IPO5: variants seen among roughly 807,000 people sequenced by gnomAD.
The protein encoded by IPO5 is importin 5.
Under a neutral mutation model 143.3 loss-of-function variants are expected in IPO5, and 18 were observed. The ratio of observed to expected loss-of-function variants is 0.13; its 90% CI spans 0.09 to 0.19. IPO5 has a LOEUF of 0.19. Ranked by LOEUF, IPO5 falls within the 10% of genes least tolerant of loss-of-function variation. The pLI, the probability that IPO5 is intolerant of heterozygous loss-of-function variation, is 1.00. For missense variants in IPO5, 1,013 were observed against 1,336.9 expected (o/e 0.76, Z 3.78); for synonymous variants, 477 against 465.7 (o/e 1.02, Z -0.31).
chr13:97,963,169 C>A (rs1422134578), intron 2 of IPO5: 2 of 152,148 alleles, frequency 1.3e-5, no homozygotes, highest in African/African-American at 4.8e-5. Flanking sequence ...GATACTTTCC[C>A]AGCAACATCT....
chr13:98,010,779 C>G (rs990689412), intron 20 of IPO5, among the ~76,000 whole-genome samples: 2 of 55,034 alleles, frequency 3.6e-5, no homozygotes, highest in Admixed American at 1.3e-4. Flanking sequence ...GAAGGATAAT[C>G]CTTTTTTTTT....
intron 6 of IPO5, among the ~76,000 whole-genome samples, chr13:97,986,287 G>A (rs1369063738): frequency 6.6e-6 from 1 of 152,022 alleles, no homozygotes; most frequent in Non-Finnish European, 1.5e-5. Context: ...AGACTCCAGT[G>A]CTTTTGCTGT....
intron 12 of IPO5, among the ~76,000 whole-genome samples, chr13:97,998,353 A>G (rs1275124838): frequency 6.6e-6 from 1 of 152,152 alleles, no homozygotes; most frequent in Non-Finnish European, 1.5e-5. Flanking sequence ...TTTAGTTTGA[A>G]TATCTTTTAA....
At position 98,007,916 on chromosome 13, in the gene IPO5, T is replaced by C. The variant is rs1262279148; in HGVS notation, c.1717-143T>C. ...TGAACTAAATCTGTCACAATATAGA[T>C]GAGAATTTTTCAATATGATAGTTTA... On this transcript the variant is annotated intron_variant, in intron 17 of 28. Transcript: ENST00000651721. 1.5e-5 allele frequency: 9 copies of C among 587,578 alleles called. 1 individual carries two copies. The highest frequency in any genetic ancestry group is 1.5e-4 in the South Asian group (7 of 46,442). The allele number at this position is 587,578 out of a possible 1,614,324, so 36.4% of individuals were successfully genotyped here. A position where few individuals can be genotyped will look rare whatever the true frequency, so the allele number is the denominator to read the frequency against.
chr13:97,990,032 A>G, intron 7 of IPO5, 94 bp from the exon 8 acceptor site: 1 of 742,850 alleles, frequency 1.3e-6, no homozygotes. Flanking sequence ...GTACTGAGTC[A>G]GGTAAACAAA....
intron 3 of IPO5, among the ~76,000 whole-genome samples, chr13:97,973,628 T>C (rs1886015291): frequency 6.6e-6 from 1 of 152,224 alleles, no homozygotes. Flanking sequence ...AAAATTCTTC[T>C]CCTTCCCTTT....
chr13:97,977,234 C>G (rs530872580), intron 4 of IPO5, among the ~76,000 whole-genome samples: 1 of 152,314 alleles, frequency 6.6e-6, no homozygotes, highest in African/African-American at 2.4e-5. Flanking sequence ...CCTGACCCGT[C>G]ACGCCTGCTT....
chr13:97,980,465 A>G (rs146238092), intron 4 of IPO5, among the ~76,000 whole-genome samples: 35 of 152,296 alleles, frequency 2.3e-4, no homozygotes, highest in Admixed American at 2.2e-3. Flanking sequence ...TAGTCACACC[A>G]ACAGTTCCGC....
chr13:97,955,069 T>C (rs565716245), intron 2 of IPO5, among the ~76,000 whole-genome samples: 3 of 151,850 alleles, frequency 2.0e-5, no homozygotes, highest in African/African-American at 7.2e-5. Context: ...CTCTACAAAA[T>C]ATAGAAAAAA....
rs762719959 is a variant in IPO5, at chr13:98,015,652, C to T, written c.2437+11C>T. On this transcript the variant is annotated intron_variant, in intron 23 of 28. Coordinates refer to ENST00000651721, the MANE Select transcript of IPO5 (RefSeq NM_002271.6). ...AAGAATTACGACAAGGTAAGTTTTCCATGCTTTTATTTCTGAATATAATCC... is the reference window on the plus strand; with the variant it reads ...AAGAATTACGACAAGGTAAGTTTTCTATGCTTTTATTTCTGAATATAATCC... The T allele has an allele frequency of 6.3e-6, 10 of 1,591,642 alleles. No individual in the cohort carries two copies. Among genetic ancestry groups the T allele is most frequent in the Non-Finnish European group, 8.6e-6 (10 of 1,163,148 alleles).
intron 5 of IPO5, 113 bp downstream of exon 5, chr13:97,982,696 G>C: frequency 1.4e-6 from 1 of 715,456 alleles, no homozygotes; most frequent in South Asian, 1.8e-5. Flanking sequence ...GACTTTACTA[G>C]AACTTTGTAC....
rs184180794 is a variant in IPO5 at position 97,957,846 on chromosome 13, A to G, written c.-113+3648A>G. ...GATCAGTGGATTCCTTAAATGTTAA[A>G]GAAACCCTGTCTTCTGTAATCCCAG... On this transcript the variant is annotated intron_variant, in intron 2 of 28. Transcript: ENST00000651721. 1.2e-4 allele frequency among the ~76,000 whole-genome samples: 18 copies of G among 152,170 alleles called. No individual in the cohort carries two copies. In the East Asian group the frequency reaches 3.3e-3, roughly 28 times the overall value.
chr13:98,020,290 T>C (rs551141198), intron 27 of IPO5, among the ~76,000 whole-genome samples: 2 of 152,218 alleles, frequency 1.3e-5, no homozygotes, highest in Non-Finnish European at 2.9e-5. Context: ...GTCGCTATTA[T>C]TATTTTTAGG....
chr13:97,989,673 A>G (rs1887660847), intron 7 of IPO5, among the ~76,000 whole-genome samples: 1 of 152,180 alleles, frequency 6.6e-6, no homozygotes, highest in Admixed American at 6.5e-5. Flanking sequence ...ACTACACCTA[A>G]AATGTGCTCA....
intron 4 of IPO5, chr13:97,977,046 G>A (rs1468112993): frequency 5.1e-6 from 1 of 197,676 alleles, no homozygotes. Context: ...CTCCCGACGC[G>A]CCCCCGTCCA....
At chr13:97,987,597 G>A (rs528859787) in intron 6 of IPO5, among the ~76,000 whole-genome samples, 17 of 152,174 alleles carry the variant, frequency 1.1e-4, no homozygotes, top group African/African-American at 2.6e-4. Flanking sequence ...ATGGCTTACC[G>A]CAGCCTCCAC....
At chr13:98,009,585 T>A (rs1216628946) in intron 18 of IPO5, among the ~76,000 whole-genome samples, 2 of 152,190 alleles carry the variant, frequency 1.3e-5, no homozygotes, top group Non-Finnish European at 2.9e-5. Context: ...ATTTAGATGA[T>A]TCAGATGCTA....
intron 20 of IPO5, among the ~76,000 whole-genome samples, chr13:98,010,621 C>G (rs1371504127): frequency 1.3e-5 from 2 of 151,854 alleles, no homozygotes; most frequent in East Asian, 3.9e-4. Context: ...TGAAACAAAA[C>G]TTGTATGATT....
At position 98,019,770 on chromosome 13, in the gene IPO5, C is replaced by T; in HGVS notation, c.3026C>T (p.Ala1009Val). Residue 1009 changes from alanine (A) to valine (V), a missense_variant, in exon 27 of 29, where the codon GCT becomes GTT. By Grantham distance (64) the Ala-to-Val change is moderately conservative. Coordinates refer to ENST00000651721, the MANE Select transcript of IPO5 (RefSeq NM_002271.6). ...WLPLHEDKEE[A>V]VQTFNYLCDL... ...CCACTACATGAAGATAAAGAAGAAGCTGTTCAGACTTTCAATTATCTGTGT... is the reference window on the plus strand; with the variant it reads ...CCACTACATGAAGATAAAGAAGAAGTTGTTCAGACTTTCAATTATCTGTGT... 2 of 1,613,716 alleles carry T rather than the reference C, an allele frequency of 1.2e-6. No individual in the cohort carries two copies. Among genetic ancestry groups the T allele is most frequent in the South Asian group, 1.1e-5 (1 of 91,078 alleles).
Sources: gnomAD v4.1 joint callset for allele counts (sites outside exome capture counted in the v4.1 genomes callset) on GRCh38, gnomAD v4.1.1 for gene constraint, MANE v1.5 for transcripts, NCBI Gene and HGNC (gene_info 2026-07-23, HGNC 2026-07-21) for gene names.